Variants in PSD3 observed in about 807,000 individuals in gnomAD.
The protein encoded by PSD3 is pleckstrin and Sec7 domain containing 3.
Under a neutral mutation model 105.5 loss-of-function variants are expected in PSD3, and 49 were observed. The observed-to-expected ratio is 0.46, with a 90% CI of 0.37 to 0.59. The LOEUF is 0.59. PSD3 is among the 20% of genes least tolerant of loss of function. The pLI is 0.00. For missense variants in PSD3, 1,561 were observed against 1,263.8 expected (o/e 1.24, Z -3.57); for synonymous variants, 557 against 457.8 (o/e 1.22, Z -2.77).
intron 2 of PSD3, among the ~76,000 whole-genome samples, chr8:18,902,165 T>G (rs1329729222): frequency 2.6e-5 from 4 of 152,216 alleles, no homozygotes; most frequent in Admixed American, 2.6e-4. Context: ...CTTTCTGTTT[T>G]CCTTCTGCAA....
At chr8:18,616,859 G>A (rs1315294734) in intron 11 of PSD3, among the ~76,000 whole-genome samples, 2 of 151,760 alleles carry the variant, frequency 1.3e-5, no homozygotes, top group Non-Finnish European at 2.9e-5. Flanking sequence ...TCGTGACCTC[G>A]TGATCCGCCC....
chr8:18,835,929 C>A (rs1319310772), intron 4 of PSD3, among the ~76,000 whole-genome samples: 1 of 152,074 alleles, frequency 6.6e-6, no homozygotes. Flanking sequence ...AAGGCTCTGG[C>A]TTTGACTCTG....
chr8:18,964,589 G>C (rs116995930), intron 1 of PSD3, among the ~76,000 whole-genome samples: 19,879 of 151,784 alleles, frequency 0.13, 1,406 homozygotes, highest in Non-Finnish European at 0.17. Context: ...CTTAAAGTGT[G>C]GTCTCATGAA....
intron 7 of PSD3, among the ~76,000 whole-genome samples, chr8:18,799,569 C>T (rs1395791327): frequency 6.6e-6 from 1 of 152,136 alleles, no homozygotes; most frequent in Non-Finnish European, 1.5e-5. Context: ...TTGTTCTTAC[C>T]TCTCTGGAGG....
chr8:18,706,806 G>C (rs370768085), intron 9 of PSD3, among the ~76,000 whole-genome samples: 14 of 152,172 alleles, frequency 9.2e-5, no homozygotes, highest in African/African-American at 3.4e-4. Flanking sequence ...TGCCACACCA[G>C]CTAAGCAACC....
chr8:18,812,063 G>A (rs751106242), intron 4 of PSD3, among the ~76,000 whole-genome samples: 4 of 152,002 alleles, frequency 2.6e-5, no homozygotes, highest in Admixed American at 6.6e-5. Flanking sequence ...CCTAAATCTC[G>A]GATCAGACTG....
chr8:18,661,096 CTCTT>C (rs1809313479), intron 9 of PSD3, among the ~76,000 whole-genome samples: 1 of 152,136 alleles, frequency 6.6e-6, no homozygotes, highest in Non-Finnish European at 1.5e-5. Context: ...CCGTGAGTCT[CTCTT>C]TCTCTCTCCA....
intron 4 of PSD3, among the ~76,000 whole-genome samples, chr8:18,866,243 G>A (rs566087657): frequency 1.2e-4 from 19 of 152,300 alleles, no homozygotes; most frequent in Non-Finnish European, 2.5e-4. Context: ...CTCCACTGAG[G>A]AGCACCGCCT....
intron 1 of PSD3, among the ~76,000 whole-genome samples, chr8:19,059,935 A>G (rs1024498590): frequency 6.6e-6 from 1 of 152,224 alleles, no homozygotes; most frequent in Admixed American, 6.5e-5. Context: ...ATCCCCAGCA[A>G]TGGGGCAGGA....
intron 2 of PSD3, among the ~76,000 whole-genome samples, chr8:18,884,761 A>G (rs962549566): frequency 6.6e-6 from 1 of 152,250 alleles, no homozygotes; most frequent in African/African-American, 2.4e-5. Flanking sequence ...ACGGCAAACT[A>G]AATTTCACAT....
intron 1 of PSD3, among the ~76,000 whole-genome samples, chr8:19,074,950 C>G (rs544976123): frequency 7.5e-6 from 1 of 132,988 alleles, no homozygotes; most frequent in South Asian, 2.7e-4. Context: ...AAATTAATTA[C>G]TATTTTTTTT....
chr8:18,871,491 C>T lies in PSD3; in HGVS notation c.1238+135G>A, dbSNP rs901241040. 12 of 1,163,866 alleles carry T rather than the reference C, an allele frequency of 1.0e-5. No individual in the cohort carries two copies. In the Admixed American group the frequency reaches 1.0e-4, roughly 10 times the overall value. 72.1% of individuals were successfully genotyped at this position (1,163,866 alleles called of 1,614,324 possible). On this transcript the variant is annotated intron_variant, in intron 3 of 15. Transcript: ENST00000327040. ...TCTTAGCTTAGAAGGACCTAGCTCACAGTAACTCATCTTATATTCCATGAT... is the reference window on the plus strand; with the variant it reads ...TCTTAGCTTAGAAGGACCTAGCTCATAGTAACTCATCTTATATTCCATGAT...
At chr8:19,082,683 C>T (rs912534547) in intron 1 of PSD3, among the ~76,000 whole-genome samples, 11 of 152,284 alleles carry the variant, frequency 7.2e-5, no homozygotes, top group Admixed American at 4.6e-4. Context: ...GCTTATCCCC[C>T]GAAGGCGGGA....
At chr8:18,991,327 G>A (rs905244178) in intron 1 of PSD3, among the ~76,000 whole-genome samples, 27 of 147,028 alleles carry the variant, frequency 1.8e-4, no homozygotes, top group African/African-American at 6.8e-4. Flanking sequence ...AATAATCTTG[G>A]GCAACAGAAA....
chr8:19,033,343 A>AT (rs1827832886), intron 1 of PSD3, among the ~76,000 whole-genome samples: 1 of 152,182 alleles, frequency 6.6e-6, no homozygotes, highest in African/African-American at 2.4e-5. Context: ...TTCCTCTAGT[A>AT]AATGATTGAT....
intron 9 of PSD3, among the ~76,000 whole-genome samples, chr8:18,686,988 C>G (rs1290132195): frequency 6.6e-6 from 1 of 152,174 alleles, no homozygotes; most frequent in Non-Finnish European, 1.5e-5. Context: ...CATTTGCCAC[C>G]AAAACCCCTA....
At chr8:18,959,419 T>C (rs1823775895) in intron 1 of PSD3, among the ~76,000 whole-genome samples, 1 of 152,138 alleles carries the variant, frequency 6.6e-6, no homozygotes, top group African/African-American at 2.4e-5. Flanking sequence ...CTGTACACTT[T>C]ACAGCATTTT....
In PSD3 at chr8:18,914,035, G is replaced by GA. The variant is rs541367870; in HGVS notation, c.130+21998dup. On this transcript the variant is annotated intron_variant, in intron 2 of 15. Coordinates refer to ENST00000327040, the MANE Select transcript of PSD3 (RefSeq NM_015310.4). Reference sequence around the variant, plus strand: ...AAACCCAGGCTCCAGACTTGAACCTGAAAATCCAGGCTCTAAGCAAACCCC... The same window carrying GA: ...AAACCCAGGCTCCAGACTTGAACCTGAAAAATCCAGGCTCTAAGCAAACCCC... 5.1e-4 allele frequency among the ~76,000 whole-genome samples: 78 copies of GA among 152,118 alleles called. 1 individual carries two copies. The South Asian group carries it at 0.016, about 30-fold the overall frequency.
intron 8 of PSD3, among the ~76,000 whole-genome samples, chr8:18,788,514 C>G (rs929412105): frequency 6.6e-6 from 1 of 152,158 alleles, no homozygotes; most frequent in Admixed American, 6.5e-5. Flanking sequence ...CTGTGTCAAT[C>G]AGGTATTCAC....
Sources: allele counts gnomAD v4.1 joint callset (sites outside exome capture counted in the v4.1 genomes callset), GRCh38; gene constraint gnomAD v4.1.1; transcripts MANE v1.5; gene names NCBI Gene and HGNC (gene_info 2026-07-23, HGNC 2026-07-21).